The following RBFOX1 variants were observed in gnomAD, a reference collection of about 807,000 sequenced individuals.
The protein encoded by RBFOX1 is RNA binding fox-1 homolog 1, also known as RNA binding protein fox-1 homolog 1.
In RBFOX1, 8 loss-of-function variants were observed where a neutral mutation model predicts 57.7. The ratio of observed to expected loss-of-function variants is 0.14; its 90% confidence interval spans 0.08 to 0.25. The LOEUF (loss-of-function observed/expected upper bound fraction) is 0.25. Among genes scored for constraint, RBFOX1 ranks in the 10% least tolerant of loss-of-function variants. The pLI, the probability that RBFOX1 is intolerant of heterozygous loss-of-function variation, is 1.00. For synonymous variants in RBFOX1, 326 were observed against 222.4 expected, an observed-to-expected ratio of 1.47 and a Z score of -4.15; for missense variants, 611 against 548.5, an observed-to-expected ratio of 1.11 and a Z score of -1.14.
intron 3 of RBFOX1, among the ~76,000 whole-genome samples, chr16:6,834,204 G>A (rs960489204): frequency 6.6e-6 from 1 of 152,066 alleles, no homozygotes; most frequent in Admixed American, 6.5e-5. Context: ...CTCCCAGGTA[G>A]CTGGGATTAC....
intron 1 of RBFOX1, among the ~76,000 whole-genome samples, chr16:6,100,805 C>T (rs1161170108): frequency 2.6e-5 from 4 of 152,120 alleles, no homozygotes; most frequent in Non-Finnish European, 5.9e-5. Flanking sequence ...GATTTGAACC[C>T]TGGGTGGCCT....
chr16:7,173,410 C>T lies in RBFOX1; in HGVS notation c.27+121312C>T, dbSNP rs147919933. Among the ~76,000 whole-genome samples the T allele has an allele frequency of 1.9e-3, 284 of 152,240 alleles. 1 individual carries two copies. The highest frequency in any genetic ancestry group is 6.4e-3 in the African/African-American group (266 of 41,546). On this transcript the variant is annotated intron_variant, in intron 4 of 15. Coordinates refer to ENST00000550418, the MANE Select transcript of RBFOX1 (RefSeq NM_018723.4). ...CAGAATTCAGAAACAACAGGGTATACGTATATATCTGTGCATTCAGTGACT... is the reference window on the plus strand; with the variant it reads ...CAGAATTCAGAAACAACAGGGTATATGTATATATCTGTGCATTCAGTGACT...
intron 4 of RBFOX1, among the ~76,000 whole-genome samples, chr16:7,387,353 A>T (rs1225501307): frequency 1.3e-5 from 2 of 152,144 alleles, no homozygotes; most frequent in South Asian, 4.1e-4. Flanking sequence ...TTAATTTCAC[A>T]CAGCTGATAA....
At chr16:5,461,325 C>T (rs888853522) in intron 1 of RBFOX1, among the ~76,000 whole-genome samples, 3 of 152,216 alleles carry the variant, frequency 2.0e-5, no homozygotes, top group Non-Finnish European at 4.4e-5. Context: ...TCTGCCGCCT[C>T]TGCCTCTCCT....
chr16:7,139,362 T>G (rs2073011637), intron 4 of RBFOX1, among the ~76,000 whole-genome samples: 1 of 152,156 alleles, frequency 6.6e-6, no homozygotes, highest in African/African-American at 2.4e-5. Flanking sequence ...AGAATTGTCT[T>G]TCTGCCATGC....
At chr16:7,528,007 A>C (rs1207527396) in intron 5 of RBFOX1, among the ~76,000 whole-genome samples, 1 of 152,226 alleles carries the variant, frequency 6.6e-6, no homozygotes, top group Non-Finnish European at 1.5e-5. Flanking sequence ...CTCATGTTTT[A>C]GTACAAACTA....
intron 1 of RBFOX1, among the ~76,000 whole-genome samples, chr16:6,315,945 C>A (rs984345505): frequency 6.6e-6 from 1 of 152,122 alleles, no homozygotes; most frequent in Non-Finnish European, 1.5e-5. Flanking sequence ...ATCTATATAT[C>A]TAGATATACC....
At chr16:6,611,603 G>C (rs1365139459) in intron 2 of RBFOX1, among the ~76,000 whole-genome samples, 1 of 152,270 alleles carries the variant, frequency 6.6e-6, no homozygotes, top group African/African-American at 2.4e-5. Context: ...TCCGTGTTCC[G>C]CTGTTCAAGG....
chr16:6,940,676 C>G (rs1317868508), intron 3 of RBFOX1, among the ~76,000 whole-genome samples: 2 of 152,218 alleles, frequency 1.3e-5, no homozygotes, highest in East Asian at 3.9e-4. Context: ...CAGCTCACTG[C>G]AAGCTCCGCC....
intron 10 of RBFOX1, among the ~76,000 whole-genome samples, chr16:7,607,763 A>G (rs556472061): frequency 5.3e-5 from 8 of 152,290 alleles, no homozygotes; most frequent in African/African-American, 9.6e-5. Flanking sequence ...AATTATTCCA[A>G]TAATGTGGGA....
At chr16:7,248,052 C>G (rs1387406563) in intron 4 of RBFOX1, among the ~76,000 whole-genome samples, 1 of 152,050 alleles carries the variant, frequency 6.6e-6, no homozygotes, top group African/African-American at 2.4e-5. Context: ...AAAAGTTAAC[C>G]TTAAAAAAAT....
At chr16:5,357,636 G>C (rs938755) in intron 1 of RBFOX1, among the ~76,000 whole-genome samples, 146,100 of 152,314 alleles carry the variant, frequency 0.96, 70,380 homozygotes, top group Middle Eastern at 1. Flanking sequence ...CCAGGTGATG[G>C]TGATGCTTCT....
intron 4 of RBFOX1, among the ~76,000 whole-genome samples, chr16:7,455,584 G>A (rs1485548125): frequency 2.0e-5 from 3 of 151,876 alleles, no homozygotes. Context: ...TTTAGTTCAA[G>A]AGTTCGAGAC....
chr16:7,217,233 C>G (rs887378260), intron 4 of RBFOX1, among the ~76,000 whole-genome samples: 4 of 150,322 alleles, frequency 2.7e-5, no homozygotes, highest in Non-Finnish European at 5.9e-5. Context: ...GCAGGAGTAG[C>G]TGGGACTACA....
intron 2 of RBFOX1, among the ~76,000 whole-genome samples, chr16:6,437,453 C>T (rs2094267506): frequency 6.6e-6 from 1 of 152,114 alleles, no homozygotes; most frequent in Non-Finnish European, 1.5e-5. Context: ...TCTTCAGCAC[C>T]TAATTTGACA....
intron 5 of RBFOX1, among the ~76,000 whole-genome samples, chr16:7,521,274 G>A (rs775676610): frequency 1.3e-5 from 2 of 152,218 alleles, no homozygotes; most frequent in Non-Finnish European, 2.9e-5. Flanking sequence ...TGGAGGTGAT[G>A]TGGCAAAAGA....
At position 7,621,091 on chromosome 16, in the gene RBFOX1, G is replaced by A. The variant is rs1486141532; in HGVS notation, c.677-9512G>A. 2.0e-5 allele frequency among the ~76,000 whole-genome samples: 3 copies of A among 152,064 alleles called. No homozygotes were observed. In the South Asian group the frequency reaches 6.2e-4, roughly 32 times the overall value. On this transcript the variant is annotated intron_variant, in intron 10 of 15. Coordinates refer to ENST00000550418, the MANE Select transcript of RBFOX1 (RefSeq NM_018723.4). ...ATCTGCATTTAGAAGAGTCCCAGGG[G>A]ATTCAGAGCATAGTAGAGTTTGAGA...
chr16:5,315,923 C>T (rs1320004288), intron 1 of RBFOX1, among the ~76,000 whole-genome samples: 1 of 152,144 alleles, frequency 6.6e-6, no homozygotes, highest in East Asian at 1.9e-4. Flanking sequence ...TTTGGAGAGT[C>T]ACCTGGTAGC....
At chr16:7,178,400 A>T (rs1264965409) in intron 4 of RBFOX1, among the ~76,000 whole-genome samples, 1 of 152,254 alleles carries the variant, frequency 6.6e-6, no homozygotes, top group Non-Finnish European at 1.5e-5. Flanking sequence ...CATGGCAAAC[A>T]CAATCTTCCC....
Sources: gnomAD v4.1 joint callset for allele counts (sites outside exome capture counted in the v4.1 genomes callset) on GRCh38, gnomAD v4.1.1 for gene constraint, MANE v1.5 for transcripts, NCBI Gene and HGNC (gene_info 2026-07-23, HGNC 2026-07-21) for gene names.